Variants in SHOC2 observed in about 807,000 individuals in gnomAD.
SHOC2 encodes the protein SHOC2 leucine rich repeat scaffold protein, also known as leucine-rich repeat protein SHOC-2.
A neutral mutation model predicts 50.2 loss-of-function variants in SHOC2; 4 were observed. The observed-to-expected ratio is 0.08, with a 90% CI of 0.04 to 0.18. SHOC2 has a LOEUF of 0.18. Ranked by LOEUF, SHOC2 falls within the 10% of genes least tolerant of loss-of-function variation. The probability of loss-of-function intolerance (pLI) is 1.00; values close to 1 mark genes in which losing one functional copy is unlikely to be tolerated. For synonymous variants in SHOC2, 218 were observed against 244.5 expected (o/e 0.89, Z 1.01); for missense variants, 388 against 669.6 (o/e 0.58, Z 4.64).
At chr10:110,966,777 T>C (rs1241720896) in intron 2 of SHOC2, among the ~76,000 whole-genome samples, 1 of 152,148 alleles carries the variant, frequency 6.6e-6, no homozygotes, top group Non-Finnish European at 1.5e-5. Flanking sequence ...AAAACAGCCA[T>C]TGAATTTGTT....
chr10:110,999,967 A>G (rs1848339927), intron 3 of SHOC2, among the ~76,000 whole-genome samples: 1 of 152,074 alleles, frequency 6.6e-6, no homozygotes, highest in Admixed American at 6.6e-5. Context: ...ATTTTAAACA[A>G]TACCATTTTA....
chr10:110,950,010 C>T (rs981445465), intron 1 of SHOC2, among the ~76,000 whole-genome samples: 2 of 152,100 alleles, frequency 1.3e-5, no homozygotes, highest in Non-Finnish European at 2.9e-5. Flanking sequence ...TTTCTTCTCT[C>T]ATCACTTCTA....
intron 2 of SHOC2, among the ~76,000 whole-genome samples, chr10:110,974,737 T>A (rs1177991595): frequency 6.6e-6 from 1 of 152,146 alleles, no homozygotes. Context: ...TTTGAAATAA[T>A]ATTGTATTAT....
rs148282065 is a variant in SHOC2 at position 110,965,141 on chromosome 10, C to A, written c.703+80C>A. ...GAGTGCTTTCTCATATCAAAAAATG[C>A]CTGATACTTGCCTAAAAACAGCTTA... On this transcript the variant is annotated intron_variant, in intron 2 of 8. Coordinates refer to ENST00000369452, the MANE Select transcript of SHOC2 (RefSeq NM_007373.4). The A allele has an allele frequency of 1.6e-4, 195 of 1,245,218 alleles. No homozygotes were observed. In the East Asian group the frequency reaches 3.9e-3, roughly 25 times the overall value. The allele number at this position is 1,245,218 out of a possible 1,614,324, so 77.1% of individuals were successfully genotyped here. A position where few individuals can be genotyped will look rare whatever the true frequency, so the allele number is the denominator to read the frequency against.
At chr10:110,922,088 GA>G (rs1366037569) in intron 1 of SHOC2, among the ~76,000 whole-genome samples, 1 of 151,974 alleles carries the variant, frequency 6.6e-6, no homozygotes, top group African/African-American at 2.4e-5. Context: ...TTGGAAATTT[GA>G]AACATTTCAT....
chr10:110,980,456 C>CTGT (rs1394364572), intron 2 of SHOC2, among the ~76,000 whole-genome samples: 1 of 152,250 alleles, frequency 6.6e-6, no homozygotes, highest in East Asian at 1.9e-4. Flanking sequence ...GATAGTAGGC[C>CTGT]TGTTGTTCAC....
At chr10:110,947,504 C>G (rs926904627) in intron 1 of SHOC2, among the ~76,000 whole-genome samples, 1 of 152,104 alleles carries the variant, frequency 6.6e-6, no homozygotes, top group Non-Finnish European at 1.5e-5. Flanking sequence ...ATCAGGGAAA[C>G]GTGACACCAT....
chr10:110,939,182 T>C (rs1386926551), intron 1 of SHOC2, among the ~76,000 whole-genome samples: 1 of 152,106 alleles, frequency 6.6e-6, no homozygotes, highest in Non-Finnish European at 1.5e-5. Context: ...ACTCCAGATT[T>C]TTTTGCTATT....
At chr10:111,008,525 G>A (rs773376601) in intron 6 of SHOC2, among the ~76,000 whole-genome samples, 1 of 151,990 alleles carries the variant, frequency 6.6e-6, no homozygotes, top group Non-Finnish European at 1.5e-5. Flanking sequence ...CTACCTTGTA[G>A]AGTTGTAGTT....
chr10:110,937,821 G>T (rs914912525), intron 1 of SHOC2, among the ~76,000 whole-genome samples: 1 of 152,100 alleles, frequency 6.6e-6, no homozygotes, highest in Admixed American at 6.5e-5. Flanking sequence ...GAAGTCTTGT[G>T]CATTAAAAAA....
intron 1 of SHOC2, among the ~76,000 whole-genome samples, chr10:110,940,910 G>GTTTTTTTTTTTTTTTTT (rs539552844): frequency 1.3e-4 from 16 of 119,472 alleles, no homozygotes; most frequent in Non-Finnish European, 1.9e-4. Flanking sequence ...TTTGTGGTGG[G>GTTTTTTTTTTTTTTTTT]TTTTTTTTTT....
At chr10:110,946,803 A>T (rs1847254474) in intron 1 of SHOC2, among the ~76,000 whole-genome samples, 1 of 152,128 alleles carries the variant, frequency 6.6e-6, no homozygotes, top group Non-Finnish European at 1.5e-5. Context: ...GTTGGAGGTA[A>T]GGGCTTGCCT....
intron 3 of SHOC2, among the ~76,000 whole-genome samples, chr10:110,986,625 C>T (rs952452244): frequency 1.3e-5 from 2 of 152,076 alleles, no homozygotes; most frequent in South Asian, 2.1e-4. Flanking sequence ...AGGCGTCCAC[C>T]ACCACGCCTG....
At chr10:110,987,460 C>G (rs184066547) in intron 3 of SHOC2, among the ~76,000 whole-genome samples, 29 of 152,172 alleles carry the variant, frequency 1.9e-4, no homozygotes, top group Admixed American at 1.7e-3. Context: ...ATGACACTAT[C>G]GTATTACTAT....
chr10:110,949,629 GA>G (rs573266055), intron 1 of SHOC2, among the ~76,000 whole-genome samples: 29 of 148,034 alleles, frequency 2.0e-4, no homozygotes, highest in African/African-American at 6.7e-4. Context: ...GACACTAAAA[GA>G]AAAAAAAAAT....
At chr10:110,962,242 T>C (rs892458131) in intron 1 of SHOC2, among the ~76,000 whole-genome samples, 5 of 152,308 alleles carry the variant, frequency 3.3e-5, no homozygotes, top group Admixed American at 3.3e-4. Flanking sequence ...GGTATACATA[T>C]CTTGCTAAAT....
At position 111,011,839 on chromosome 10, in the gene SHOC2, A is replaced by G. The variant is rs753016007; in HGVS notation, c.*21A>G. On this transcript the variant is annotated 3_prime_UTR_variant, in exon 9 of 9. Transcript: ENST00000369452. ...TCTGATATAAATCTGCTGGTCCCAC[A>G]CACTGTTCAAAAATAGACTGCCATT... The G allele has an allele frequency of 1.1e-5, 18 of 1,579,396 alleles. No homozygotes were observed. The South Asian group carries it at 1.9e-4, about 17-fold the overall frequency.
chr10:110,975,915 C>CTT (rs146777123), intron 2 of SHOC2, among the ~76,000 whole-genome samples: 104 of 148,386 alleles, frequency 7.0e-4, no homozygotes, highest in African/African-American at 2.4e-3. Flanking sequence ...TTCTCTTCTT[C>CTT]TTTTTTTTTT....
chr10:110,995,129 GT>G (rs1848247278), intron 3 of SHOC2, among the ~76,000 whole-genome samples: 1 of 152,134 alleles, frequency 6.6e-6, no homozygotes, highest in South Asian at 2.1e-4. Flanking sequence ...ATAATGAAAT[GT>G]TTTAGTTTCT....
Sources: gnomAD v4.1 joint callset for allele counts (sites outside exome capture counted in the v4.1 genomes callset) on GRCh38, gnomAD v4.1.1 for gene constraint, MANE v1.5 for transcripts, NCBI Gene and HGNC (gene_info 2026-07-23, HGNC 2026-07-21) for gene names.